The following CNTN1 variants were observed in gnomAD, a reference collection of about 807,000 sequenced individuals.
The protein encoded by CNTN1 is contactin-1.
CNTN1 carries 38 observed loss-of-function variants against 126.4 expected under a neutral mutation model. The ratio of observed to expected loss-of-function variants is 0.30; its 90% CI spans 0.23 to 0.39. The LOEUF (loss-of-function observed/expected upper bound fraction) is 0.39, where lower values mean the gene tolerates loss of function less well. Among genes scored for constraint, CNTN1 ranks in the 10% least tolerant of loss-of-function variants. The pLI is 1.00. For missense variants in CNTN1, 1,009 were observed against 1,248.4 expected, an observed-to-expected ratio of 0.81 and a Z score of 2.89; for synonymous variants, 413 against 422.6, an observed-to-expected ratio of 0.98 and a Z score of 0.28.
At chr12:40,725,424 G>GA (rs1942327019) in intron 1 of CNTN1, among the ~76,000 whole-genome samples, 3 of 50,432 alleles carry the variant, frequency 5.9e-5, no homozygotes, top group East Asian at 2.2e-3. Context: ...AAAAAAAAAA[G>GA]GAAAGAAAAA....
intron 16 of CNTN1, among the ~76,000 whole-genome samples, chr12:40,985,187 T>C (rs1206086080): frequency 6.6e-6 from 1 of 152,148 alleles, no homozygotes; most frequent in African/African-American, 2.4e-5. Context: ...TTTGTTTTTC[T>C]TTTCTTTTTC....
chr12:40,890,539 T>G (rs957589336), intron 1 of CNTN1, among the ~76,000 whole-genome samples: 16 of 152,158 alleles, frequency 1.1e-4, no homozygotes, highest in Non-Finnish European at 4.4e-5. Flanking sequence ...TAGGAAACAC[T>G]GATTATTTTA....
intron 1 of CNTN1, among the ~76,000 whole-genome samples, chr12:40,878,366 A>C (rs745451189): frequency 3.2e-4 from 48 of 151,084 alleles, no homozygotes; most frequent in Non-Finnish European, 5.5e-4. Flanking sequence ...ATAGCTCATA[A>C]AATTACTAAA....
intron 1 of CNTN1, among the ~76,000 whole-genome samples, chr12:40,737,326 AGT>A (rs372061727): frequency 0.024 from 2,868 of 118,892 alleles, 69 homozygotes; most frequent in African/African-American, 0.072. Flanking sequence ...TATACATGGG[AGT>A]GTGTGTGTGT....
At chr12:41,051,477 T>G (rs1040321721) in intron 23 of CNTN1, among the ~76,000 whole-genome samples, 1 of 151,990 alleles carries the variant, frequency 6.6e-6, no homozygotes. Flanking sequence ...ATAATTAATT[T>G]TGTATTGAAT....
At chr12:40,858,241 C>G (rs149822380) in intron 1 of CNTN1, among the ~76,000 whole-genome samples, 240 of 152,276 alleles carry the variant, frequency 1.6e-3, no homozygotes, top group African/African-American at 5.3e-3. Context: ...TCAAGGCCAG[C>G]AGGAGACCCC....
chr12:40,980,826 GT>G (rs1947801002), intron 15 of CNTN1, 82 bp from the exon 16 acceptor site: 2 of 1,275,540 alleles, frequency 1.6e-6, no homozygotes, highest in African/African-American at 2.9e-5. Flanking sequence ...TAGATTAATG[GT>G]TAGAAGACAT....
rs1941224810 is a variant in CNTN1 at position 40,815,391 on chromosome 12, AT to A, written c.-76-92962del. Among the ~76,000 whole-genome samples, 6 of 151,708 alleles carry A rather than the reference AT, an allele frequency of 4.0e-5. No individual in the cohort carries two copies. The South Asian group carries it at 1.0e-3, about 26-fold the overall frequency. On this transcript the variant is annotated intron_variant, in intron 1 of 23. Coordinates refer to ENST00000551295, the MANE Select transcript of CNTN1 (RefSeq NM_001843.4). ...TCCCTTGTTAGCTGTATTCCTAGGT[AT>A]TTTATTCTTTTTGTAGCAATTGTGA... is the stretch of plus-strand genomic sequence containing the variant.
chr12:40,942,031 A>T lies in CNTN1; in HGVS notation c.1380-1566A>T, dbSNP rs138188473. ...GATGGTAAAAGATCAATTGAAAACT[A>T]ACATAAGTAAGCTAAAAATATTAGC... is the stretch of plus-strand genomic sequence containing the variant. On this transcript the variant is annotated intron_variant, in intron 12 of 23. Coordinates refer to ENST00000551295, the MANE Select transcript of CNTN1 (RefSeq NM_001843.4). 9.5e-3 allele frequency among the ~76,000 whole-genome samples: 1,451 copies of T among 152,292 alleles called. 21 individuals are homozygous for T. Among genetic ancestry groups the T allele is most frequent in the African/African-American group, 0.033 (1,374 of 41,568 alleles).
chr12:40,734,139 T>C (rs867746578), intron 1 of CNTN1, among the ~76,000 whole-genome samples: 2 of 152,090 alleles, frequency 1.3e-5, no homozygotes, highest in Non-Finnish European at 2.9e-5. Context: ...CTAATCATCC[T>C]CTGGCTGCTT....
intron 23 of CNTN1, among the ~76,000 whole-genome samples, chr12:41,047,919 T>A (rs1392810716): frequency 6.6e-6 from 1 of 152,144 alleles, no homozygotes; most frequent in Admixed American, 6.5e-5. Flanking sequence ...CAAAAGTTTT[T>A]GACCTATCAG....
rs138150634 is a variant in CNTN1 at position 40,860,718 on chromosome 12, C to T, written c.-76-47639C>T. Among the ~76,000 whole-genome samples, 652 of 152,262 alleles carry T rather than the reference C, an allele frequency of 4.3e-3. 3 individuals carry two copies. The highest frequency in any genetic ancestry group is 0.015 in the African/African-American group (613 of 41,560). ...TTCCATACTCTCTCTAGGCATGCCA[C>T]TCTCCCAGTAACTCCATGTGTTCGC... On this transcript the variant is annotated intron_variant, in intron 1 of 23. Transcript: ENST00000551295.
At chr12:40,912,726 A>G (rs560202139) in intron 3 of CNTN1, among the ~76,000 whole-genome samples, 1 of 152,236 alleles carries the variant, frequency 6.6e-6, no homozygotes, top group Admixed American at 6.5e-5. Flanking sequence ...GATTTCCTGT[A>G]TATTTTTTCA....
In CNTN1 at chr12:41,058,876, A is replaced by G. The variant is rs540867213; in HGVS notation, c.2981-11083A>G. ...TTACACACTTCAGACTATAGTTAAA[A>G]TAGCTGAAAAATTATTTCTGCTGTG... On this transcript the variant is annotated intron_variant, in intron 23 of 23. Coordinates refer to ENST00000551295, the MANE Select transcript of CNTN1 (RefSeq NM_001843.4). Among the ~76,000 whole-genome samples the G allele has an allele frequency of 2.0e-5, 3 of 152,296 alleles. No homozygotes were observed. The South Asian group carries it at 6.2e-4, about 32-fold the overall frequency.
Position 41,032,477 on chromosome 12 carries a change from C to T in CNTN1, c.2980+3258C>T, listed in dbSNP as rs546411043. On this transcript the variant is annotated intron_variant, in intron 23 of 23. Transcript: ENST00000551295. ...GGTCTATATAATCCACCCTCTCTCT[C>T]ATCTCAATTAAGTGCTTTGTCCCTT... Among the ~76,000 whole-genome samples, 6 of 152,240 alleles carry T rather than the reference C, an allele frequency of 3.9e-5. No homozygotes were observed. The South Asian group carries it at 1.2e-3, about 32-fold the overall frequency.
At chr12:40,971,565 T>C in intron 15 of CNTN1, 1 of 1,558,540 alleles carries the variant, frequency 6.4e-7, no homozygotes. Context: ...TAACATATTA[T>C]ACTAGATTTG....
chr12:40,792,154 T>C (rs1940243200), intron 1 of CNTN1, among the ~76,000 whole-genome samples: 1 of 151,560 alleles, frequency 6.6e-6, no homozygotes, highest in Non-Finnish European at 1.5e-5. Context: ...GGGGCTGGAG[T>C]CCTCAGAGGA....
At chr12:40,892,758 T>C (rs1944284308) in intron 1 of CNTN1, among the ~76,000 whole-genome samples, 1 of 152,020 alleles carries the variant, frequency 6.6e-6, no homozygotes, top group South Asian at 2.1e-4. Flanking sequence ...CTGACAGGGT[T>C]GGAGGGTGAT....
chr12:40,725,233 C>T (rs984897014), intron 1 of CNTN1, among the ~76,000 whole-genome samples: 4 of 151,908 alleles, frequency 2.6e-5, no homozygotes, highest in Admixed American at 6.6e-5. Flanking sequence ...GAAACCCTGT[C>T]TCTGCTAAAG....
Sources: allele counts gnomAD v4.1 joint callset (sites outside exome capture counted in the v4.1 genomes callset), GRCh38; gene constraint gnomAD v4.1.1; transcripts MANE v1.5; gene names NCBI Gene and HGNC (gene_info 2026-07-23, HGNC 2026-07-21).